Variants in RTN4R observed in about 807,000 individuals in gnomAD.
RTN4R encodes reticulon-4 receptor.
In RTN4R, 4 loss-of-function variants were observed where a neutral mutation model predicts 27.7. The ratio of observed to expected loss-of-function variants is 0.14; its 90% CI spans 0.07 to 0.33. The LOEUF (loss-of-function observed/expected upper bound fraction) is 0.33, where lower values mean the gene tolerates loss of function less well. Among genes scored for constraint, RTN4R ranks in the 10% least tolerant of loss-of-function variants. The pLI is 1.00. For missense variants in RTN4R, 554 were observed against 671.5 expected (o/e 0.83, Z 1.93); for synonymous variants, 290 against 305.6 (o/e 0.95, Z 0.53).
chr22:20,265,322 C>T (rs893058048), intron 1 of RTN4R, among the ~76,000 whole-genome samples: 1 of 152,208 alleles, frequency 6.6e-6, no homozygotes, highest in African/African-American at 2.4e-5. Flanking sequence ...CTGGCCCCTC[C>T]ACAGGCTGTG....
intron 1 of RTN4R, among the ~76,000 whole-genome samples, chr22:20,266,110 A>C (rs2051275385): frequency 6.6e-6 from 1 of 152,344 alleles, no homozygotes; most frequent in East Asian, 1.9e-4. Context: ...TCCTCACCTC[A>C]GTAGAGAAGA....
intron 1 of RTN4R, among the ~76,000 whole-genome samples, chr22:20,262,886 C>T (rs1427190961): frequency 6.6e-6 from 1 of 152,218 alleles, no homozygotes; most frequent in Non-Finnish European, 1.5e-5. Context: ...CAAATAAAGG[C>T]AACATCTCAA....
intron 1 of RTN4R, among the ~76,000 whole-genome samples, chr22:20,265,529 C>G (rs2051272219): frequency 6.6e-6 from 1 of 152,214 alleles, no homozygotes; most frequent in Non-Finnish European, 1.5e-5. Context: ...GCAGAAGGAC[C>G]CTGGCACGGG....
At chr22:20,243,506 G>C (rs148040996) in intron 1 of RTN4R, 1 of 498,298 alleles carries the variant, frequency 2.0e-6, no homozygotes. Flanking sequence ...GGGTCCCAGT[G>C]GGGGTTCCAC....
At chr22:20,248,630 G>T (rs562414953) in intron 1 of RTN4R, among the ~76,000 whole-genome samples, 1 of 152,202 alleles carries the variant, frequency 6.6e-6, no homozygotes, top group East Asian at 1.9e-4. Flanking sequence ...TACAAGACCA[G>T]GCCGAGGAGC....
At chr22:20,260,517 G>C (rs762377042) in intron 1 of RTN4R, among the ~76,000 whole-genome samples, 17 of 152,292 alleles carry the variant, frequency 1.1e-4, no homozygotes, top group Middle Eastern at 3.4e-3. Flanking sequence ...AGCACATCCT[G>C]CGTGACCTTG....
intron 1 of RTN4R, among the ~76,000 whole-genome samples, chr22:20,245,711 T>C (rs2051136605): frequency 6.6e-6 from 1 of 152,180 alleles, no homozygotes; most frequent in South Asian, 2.1e-4. Flanking sequence ...TGGCCAACTC[T>C]AATAGGATGC....
Position 20,243,387 on chromosome 22 carries a change from G to A in RTN4R, c.23-277C>T, listed in dbSNP as rs1174004962. The A allele has an allele frequency of 8.8e-6, 6 of 680,408 alleles. No individual in the cohort carries two copies. In the Admixed American group the frequency reaches 1.2e-4, roughly 14 times the overall value. 42.1% of individuals were successfully genotyped at this position (680,408 alleles called of 1,614,324 possible). A position where few individuals can be genotyped will look rare whatever the true frequency, so the allele number is the denominator to read the frequency against. ...TACCACACCCAGGAGCAGCCCACTG[G>A]GTCACCAGGGGCACTCACTTGAAGG... is the stretch of plus-strand genomic sequence containing the variant. On this transcript the variant is annotated intron_variant, in intron 1 of 1. Transcript: ENST00000043402.
chr22:20,242,915 G>A lies in RTN4R; in HGVS notation c.218C>T (p.Pro73Leu). 1.2e-6 allele frequency: 2 copies of A among 1,612,200 alleles called. No individual in the cohort carries two copies. The highest frequency in any genetic ancestry group is 1.7e-6 in the Non-Finnish European group (2 of 1,179,538). Residue 73 changes from proline (P) to leucine (L), a missense_variant, in exon 2 of 2, where the codon CCA becomes CTA. Coordinates refer to ENST00000043402, the MANE Select transcript of RTN4R (RefSeq NM_023004.6). Reference sequence around the variant, plus strand: ...GCGGCAGGCACGGAAGCTGGCAGCTGGCACATGCGAGATGCGGTTGCCGTG... The same window carrying A: ...GCGGCAGGCACGGAAGCTGGCAGCTAGCACATGCGAGATGCGGTTGCCGTG... ...FLHGNRISHV[P>L]AASFRACRNL...
Position 20,242,244 on chromosome 22 carries a change from C to T in RTN4R, c.889G>A (p.Asp297Asn). ...CSLPQRLAGR[D>N]LKRLAANDLQ... The stretch of plus-strand genomic sequence containing the variant: ...TCATTGGCAGCTAGGCGTTTGAGGT[C>T]ACGGCCAGCCAGGCGTTGCGGGAGG... Residue 297 changes from aspartate to asparagine, a missense_variant, in exon 2 of 2, where the codon GAC becomes AAC. Around this residue, in one of 2 missense-constraint regions of RTN4R, gnomAD observed 413 missense variants for 542.3 expected, o/e 0.76. Coordinates refer to ENST00000043402, the MANE Select transcript of RTN4R (RefSeq NM_023004.6). The T allele has an allele frequency of 6.2e-7, 1 of 1,600,740 alleles. No individual in the cohort carries two copies. The highest frequency in any genetic ancestry group is 8.5e-7 in the Non-Finnish European group (1 of 1,174,646).
At chr22:20,260,929 C>T (rs1240354721) in intron 1 of RTN4R, among the ~76,000 whole-genome samples, 2 of 152,240 alleles carry the variant, frequency 1.3e-5, no homozygotes, top group East Asian at 3.9e-4. Flanking sequence ...CCCCTCCGGA[C>T]TCCACAGCTG....
chr22:20,265,794 G>C (rs945896455), intron 1 of RTN4R, among the ~76,000 whole-genome samples: 10 of 152,214 alleles, frequency 6.6e-5, no homozygotes, highest in African/African-American at 1.7e-4. Flanking sequence ...GGGAGGTGTT[G>C]TGGGCATTCT....
chr22:20,246,032 AC>A (rs2051139163), intron 1 of RTN4R, among the ~76,000 whole-genome samples: 1 of 151,568 alleles, frequency 6.6e-6, no homozygotes, highest in Non-Finnish European at 1.5e-5. Context: ...TGCCTCTCCC[AC>A]CCTCCCAGGC....
chr22:20,251,861 T>TAA (rs1352251408), intron 1 of RTN4R, among the ~76,000 whole-genome samples: 1 of 77,688 alleles, frequency 1.3e-5, no homozygotes, highest in African/African-American at 4.8e-5. Flanking sequence ...ACCCTCACCA[T>TAA]CCTCATCACC....
At chr22:20,257,874 A>G (rs1056448413) in intron 1 of RTN4R, among the ~76,000 whole-genome samples, 12 of 152,170 alleles carry the variant, frequency 7.9e-5, no homozygotes, top group Non-Finnish European at 1.3e-4. Flanking sequence ...GCCCAACGTG[A>G]TCGGCCCTGC....
intron 1 of RTN4R, among the ~76,000 whole-genome samples, chr22:20,261,802 G>T (rs2051249025): frequency 6.6e-6 from 1 of 152,250 alleles, no homozygotes; most frequent in Non-Finnish European, 1.5e-5. Flanking sequence ...GTGGAGAGGG[G>T]TAGGCAGACA....
Position 20,241,759 on chromosome 22 carries a change from G to C in RTN4R, c.1374C>G (p.Thr458=), listed in dbSNP as rs745415553. 1.9e-6 allele frequency: 3 copies of C among 1,553,004 alleles called. No individual in the cohort carries two copies. The highest frequency in any genetic ancestry group is 2.4e-5 in the South Asian group (2 of 84,480). The change falls in exon 2 of 2, where the codon ACC becomes ACG. Residue 458 remains threonine, a synonymous_variant. Transcript: ENST00000043402. ...GALPSLTCSL[T]PLGLALVLWT... is the part of the protein sequence containing the mutation. ...ACAGCACCAGCGCCAGGCCCAGGGG[G>C]GTGAGGCTGCAGGTGAGGCTGGGTA...
At position 20,242,048 on chromosome 22, in the gene RTN4R, C is replaced by T. The variant is rs758875302; in HGVS notation, c.1085G>A (p.Arg362His). Residue 362 changes from arginine to histidine, a missense_variant, in exon 2 of 2, where the codon CGC becomes CAC. By Grantham distance (29) the Arg-to-His change is conservative. Around this residue, in one of 2 missense-constraint regions of RTN4R, gnomAD observed 413 missense variants for 542.3 expected, o/e 0.76. Transcript: ENST00000043402. ...CGGCGGGCTGTCACCGGGCGGCACG[C>T]GTCCCTTCAGCGCATTGCCTGCCGA... is the stretch of plus-strand genomic sequence containing the variant. ...PASAGNALKG[R>H]VPPGDSPPGN... is the part of the protein sequence containing the mutation. 15 of 1,612,422 alleles carry T rather than the reference C, an allele frequency of 9.3e-6. No individual in the cohort carries two copies. The highest frequency in any genetic ancestry group is 1.3e-5 in the Non-Finnish European group (15 of 1,179,892).
chr22:20,254,720 A>T, intron 1 of RTN4R, among the ~76,000 whole-genome samples: 1 of 152,058 alleles, frequency 6.6e-6, no homozygotes, highest in Non-Finnish European at 1.5e-5. Context: ...CATTAACTGA[A>T]ATTTCAACAG....
Sources: allele counts gnomAD v4.1 joint callset (sites outside exome capture counted in the v4.1 genomes callset), GRCh38; gene constraint gnomAD v4.1.1; regional missense constraint gnomAD v4.1.1; transcripts MANE v1.5; gene names NCBI Gene and HGNC (gene_info 2026-07-23, HGNC 2026-07-21).